Variants in PDE4D observed in about 807,000 individuals in gnomAD.
The protein encoded by PDE4D is phosphodiesterase 4D, also known as 3',5'-cyclic-AMP phosphodiesterase 4D.
A neutral mutation model predicts 87.4 loss-of-function variants in PDE4D; 24 were observed. The ratio of observed to expected loss-of-function variants is 0.27; its 90% CI spans 0.20 to 0.39. PDE4D has a LOEUF of 0.39. PDE4D is among the 10% of genes least tolerant of loss of function. The pLI is 1.00. For synonymous variants in PDE4D, 384 were observed against 383.2 expected, an observed-to-expected ratio of 1.00 and a Z score of -0.02; for missense variants, 714 against 1,041.0, an observed-to-expected ratio of 0.69 and a Z score of 4.32.
chr5:60,233,809 A>G (rs745705872), intron 1 of PDE4D, among the ~76,000 whole-genome samples: 1 of 151,804 alleles, frequency 6.6e-6, no homozygotes, highest in East Asian at 1.9e-4. Flanking sequence ...GAGGAAACTG[A>G]GACACAGAGA....
chr5:59,148,474 C>A (rs904919852), intron 5 of PDE4D, among the ~76,000 whole-genome samples: 21 of 151,968 alleles, frequency 1.4e-4, no homozygotes, highest in African/African-American at 4.8e-5. Flanking sequence ...TCATTTATAG[C>A]ATGGAGACAA....
intron 1 of PDE4D, among the ~76,000 whole-genome samples, chr5:60,467,862 T>A (rs1747484209): frequency 6.6e-6 from 1 of 152,094 alleles, no homozygotes; most frequent in African/African-American, 2.4e-5. Flanking sequence ...TCAGATCTCG[T>A]GAGAACTCAC....
intron 6 of PDE4D, among the ~76,000 whole-genome samples, chr5:59,026,486 C>G (rs924124084): frequency 3.3e-5 from 5 of 152,216 alleles, no homozygotes; most frequent in African/African-American, 4.8e-5. Flanking sequence ...TATATTGACA[C>G]TCACTGTGTA....
intron 1 of PDE4D, among the ~76,000 whole-genome samples, chr5:60,358,319 G>C (rs1220311586): frequency 1.3e-5 from 2 of 152,152 alleles, no homozygotes; most frequent in African/African-American, 4.8e-5. Flanking sequence ...CAAAACATGG[G>C]TTCCTGGCTG....
At chr5:60,140,578 T>C (rs1056616941) in intron 2 of PDE4D, among the ~76,000 whole-genome samples, 2 of 151,004 alleles carry the variant, frequency 1.3e-5, no homozygotes, top group African/African-American at 4.9e-5. Flanking sequence ...AGAAATTGTA[T>C]CCACCAAGAA....
At chr5:60,351,037 T>G (rs1359778623) in intron 1 of PDE4D, among the ~76,000 whole-genome samples, 1 of 152,164 alleles carries the variant, frequency 6.6e-6, no homozygotes, top group African/African-American at 2.4e-5. Flanking sequence ...CCGTTGCTGA[T>G]CTCACAGAGC....
rs183151625 is a variant in PDE4D, at chr5:59,755,397, C to T, written c.455+137771G>A. Among the ~76,000 whole-genome samples the T allele has an allele frequency of 1.2e-3, 185 of 152,110 alleles. 1 individual carries two copies. The highest frequency in any genetic ancestry group is 4.3e-3 in the African/African-American group (179 of 41,492). On this transcript the variant is annotated intron_variant, in intron 1 of 14. Coordinates refer to ENST00000340635, the MANE Select transcript of PDE4D (RefSeq NM_001104631.2). ...AAAGCTTTATTTTTAAACATATGGC[C>T]TTTTAAATAAAAATGTAAGTCTACT...
chr5:60,026,693 C>G (rs1022383946), intron 2 of PDE4D, among the ~76,000 whole-genome samples: 2 of 152,132 alleles, frequency 1.3e-5, no homozygotes, highest in African/African-American at 4.8e-5. Flanking sequence ...ACTTCTAGCC[C>G]CATGCAACAC....
At chr5:60,139,623 G>A (rs1210441258) in intron 2 of PDE4D, among the ~76,000 whole-genome samples, 2 of 151,930 alleles carry the variant, frequency 1.3e-5, no homozygotes, top group South Asian at 2.1e-4. Context: ...ATGTAAGCAC[G>A]TGAGCAATAG....
intron 1 of PDE4D, among the ~76,000 whole-genome samples, chr5:59,874,173 AGC>A (rs1442689185): frequency 7.0e-4 from 106 of 152,326 alleles, no homozygotes; most frequent in Non-Finnish European, 1.2e-3. Flanking sequence ...ACTGCACCCC[AGC>A]CTGAGTGACA....
At chr5:59,818,734 T>A (rs1289706146) in intron 1 of PDE4D, among the ~76,000 whole-genome samples, 2 of 152,090 alleles carry the variant, frequency 1.3e-5, no homozygotes, top group Admixed American at 1.3e-4. Flanking sequence ...AGAACACTCA[T>A]GGAAACATGT....
chr5:59,153,167 A>G (rs1292737745), intron 5 of PDE4D, among the ~76,000 whole-genome samples: 9 of 152,104 alleles, frequency 5.9e-5, no homozygotes, highest in Non-Finnish European at 1.3e-4. Context: ...GTCAGATCCC[A>G]GGCATGACTC....
At chr5:59,066,670 G>T (rs866616272) in intron 5 of PDE4D, among the ~76,000 whole-genome samples, 1 of 152,154 alleles carries the variant, frequency 6.6e-6, no homozygotes, top group South Asian at 2.1e-4. Flanking sequence ...ACTATAGTCT[G>T]AATGTTTGTG....
intron 1 of PDE4D, among the ~76,000 whole-genome samples, chr5:59,227,002 G>A (rs1274711324): frequency 6.6e-6 from 1 of 152,172 alleles, no homozygotes; most frequent in Non-Finnish European, 1.5e-5. Context: ...AGTATGGAGG[G>A]AAGAGCAGAA....
At chr5:59,927,402 A>G (rs1391548105) in intron 3 of PDE4D, among the ~76,000 whole-genome samples, 1 of 152,206 alleles carries the variant, frequency 6.6e-6, no homozygotes, top group Admixed American at 6.5e-5. Context: ...TACTAGAATA[A>G]AAACTGGTAA....
At chr5:60,203,722 A>T (rs145482660) in intron 1 of PDE4D, among the ~76,000 whole-genome samples, 1 of 152,338 alleles carries the variant, frequency 6.6e-6, no homozygotes, top group East Asian at 1.9e-4. Context: ...TTTTATAGTC[A>T]GAATTGTGTT....
chr5:59,858,648 T>C (rs921718866), intron 1 of PDE4D, among the ~76,000 whole-genome samples: 1 of 152,146 alleles, frequency 6.6e-6, no homozygotes, highest in African/African-American at 2.4e-5. Context: ...GACACTCACA[T>C]AACTATCCAT....
At chr5:59,869,094 C>T (rs532452657) in intron 1 of PDE4D, among the ~76,000 whole-genome samples, 1 of 152,252 alleles carries the variant, frequency 6.6e-6, no homozygotes, top group African/African-American at 2.4e-5. Flanking sequence ...GTCAGAAAAA[C>T]AAGCCTGCAA....
At chr5:59,127,514 T>C (rs1466851472) in intron 5 of PDE4D, among the ~76,000 whole-genome samples, 1 of 151,860 alleles carries the variant, frequency 6.6e-6, no homozygotes, top group African/African-American at 2.4e-5. Flanking sequence ...AGGAGGGCCG[T>C]GAGCCTGCCT....
Sources: gnomAD v4.1 joint callset for allele counts (sites outside exome capture counted in the v4.1 genomes callset) on GRCh38, gnomAD v4.1.1 for gene constraint, MANE v1.5 for transcripts, NCBI Gene and HGNC (gene_info 2026-07-23, HGNC 2026-07-21) for gene names.